Variants in PPP1R12B observed in about 807,000 individuals in gnomAD.
PPP1R12B encodes the protein protein phosphatase 1 regulatory subunit 12B.
PPP1R12B carries 76 observed loss-of-function variants against 126.1 expected under a neutral mutation model. The ratio of observed to expected loss-of-function variants is 0.60; its 90% CI spans 0.50 to 0.73. The LOEUF is 0.73. Among genes scored for constraint, PPP1R12B ranks in the 30% least tolerant of loss-of-function variants. The pLI is 0.00. For missense variants in PPP1R12B, 1,052 were observed against 1,205.1 expected, an observed-to-expected ratio of 0.87 and a Z score of 1.88; for synonymous variants, 356 against 434.7, an observed-to-expected ratio of 0.82 and a Z score of 2.25.
At chr1:202,486,906 CAAATTCTTACAG>C (rs1678208421) in intron 13 of PPP1R12B, among the ~76,000 whole-genome samples, 1 of 152,172 alleles carries the variant, frequency 6.6e-6, no homozygotes, top group Non-Finnish European at 1.5e-5. Context: ...AAATCTTACA[CAAATTCTTACAG>C]AAATAGACAT....
At chr1:202,474,101 C>G in intron 13 of PPP1R12B, 1 of 444,180 alleles carries the variant, frequency 2.3e-6, no homozygotes. Flanking sequence ...TGGGCTTGTT[C>G]CTATTTGCTA....
intron 18 of PPP1R12B, among the ~76,000 whole-genome samples, chr1:202,505,915 G>T (rs1339646166): frequency 1.3e-5 from 2 of 152,020 alleles, no homozygotes; most frequent in East Asian, 3.9e-4. Context: ...TGAAAAGTCT[G>T]AGAAATTTGA....
chr1:202,378,368 C>T (rs1259680593), intron 1 of PPP1R12B, among the ~76,000 whole-genome samples: 1 of 151,144 alleles, frequency 6.6e-6, no homozygotes, highest in Non-Finnish European at 1.5e-5. Context: ...TCAAATTCTC[C>T]TTAAGGAGTA....
intron 14 of PPP1R12B, 125 bp downstream of exon 14, chr1:202,488,748 C>T (rs564530491): frequency 1.9e-5 from 16 of 860,304 alleles, no homozygotes; most frequent in South Asian, 8.9e-5. Flanking sequence ...CACACGCTCA[C>T]GGCTTGGCGT....
At chr1:202,463,721 G>T (rs1282116793) in intron 13 of PPP1R12B, among the ~76,000 whole-genome samples, 1 of 152,156 alleles carries the variant, frequency 6.6e-6, no homozygotes, top group South Asian at 2.1e-4. Context: ...AAGTTTCCTA[G>T]TTGATCTTGT....
At chr1:202,432,975 G>A (rs534816316) in intron 8 of PPP1R12B, among the ~76,000 whole-genome samples, 90 of 152,302 alleles carry the variant, frequency 5.9e-4, no homozygotes, top group African/African-American at 1.9e-3. Flanking sequence ...TCATGTCTCA[G>A]TCTCTGAGGC....
At position 202,588,843 on chromosome 1, in the gene PPP1R12B, A is replaced by ATAGATAGAT. The variant is rs1689985333; in HGVS notation, c.*8284_*8292dup. The ATAGATAGAT allele has an allele frequency of 6.9e-6, 1 of 144,228 alleles. No individual in the cohort carries two copies. Among genetic ancestry groups the ATAGATAGAT allele is most frequent in the African/African-American group, 2.9e-5 (1 of 34,980 alleles). 8.9% of individuals were successfully genotyped at this position (144,228 alleles called of 1,614,324 possible). A position where few individuals can be genotyped will look rare whatever the true frequency, so the allele number is the denominator to read the frequency against. ...AACCGTAAGATAGATAGATAGATAG[A>ATAGATAGAT]TAGATAGATAGATAGATAGATAGAT... On this transcript the variant is annotated 3_prime_UTR_variant, in exon 24 of 24. Transcript: ENST00000608999.
At chr1:202,369,220 A>G (rs1376044190) in intron 1 of PPP1R12B, among the ~76,000 whole-genome samples, 1 of 152,230 alleles carries the variant, frequency 6.6e-6, no homozygotes, top group East Asian at 1.9e-4. Context: ...AGTTATATAA[A>G]TCTAAATATA....
In PPP1R12B at chr1:202,591,311, T is replaced by G. The variant is rs939031398; in HGVS notation, c.*10751T>G. 1.3e-5 allele frequency: 2 copies of G among 152,806 alleles called. No homozygotes were observed. Among genetic ancestry groups the G allele is most frequent in the African/African-American group, 4.8e-5 (2 of 41,472 alleles). 9.5% of individuals were successfully genotyped at this position (152,806 alleles called of 1,614,324 possible). A position where few individuals can be genotyped will look rare whatever the true frequency, so the allele number is the denominator to read the frequency against. On this transcript the variant is annotated 3_prime_UTR_variant, in exon 24 of 24. Coordinates refer to ENST00000608999, the MANE Select transcript of PPP1R12B (RefSeq NM_002481.4). Reference sequence around the variant, plus strand: ...CCCGTTCTCTCTCCTTCCTCATACTTGTCACAGTTGCCAGGCCTGAGGCAT... The same window carrying G: ...CCCGTTCTCTCTCCTTCCTCATACTGGTCACAGTTGCCAGGCCTGAGGCAT...
At chr1:202,447,228 G>A (rs781684519) in intron 12 of PPP1R12B, among the ~76,000 whole-genome samples, 1 of 152,114 alleles carries the variant, frequency 6.6e-6, no homozygotes, top group African/African-American at 2.4e-5. Flanking sequence ...CTTATAATGA[G>A]CCCCCTATTA....
chr1:202,352,892 A>G (rs12566675), intron 1 of PPP1R12B, among the ~76,000 whole-genome samples: 79 of 150,962 alleles, frequency 5.2e-4, no homozygotes, highest in African/African-American at 1.8e-3. Flanking sequence ...CGTTTCAAAA[A>G]AAAAAGAAAA....
chr1:202,463,006 T>C (rs1367819457), intron 13 of PPP1R12B: 1 of 985,352 alleles, frequency 1.0e-6, no homozygotes, highest in Non-Finnish European at 1.2e-6. Context: ...GCCTCTGCCA[T>C]AGTTTGTTAG....
In PPP1R12B at chr1:202,493,243, C is replaced by T; in HGVS notation, c.2071C>T (p.His691Tyr). 6.2e-7 allele frequency: 1 copy of T among 1,613,010 alleles called. No homozygotes were observed. The highest frequency in any genetic ancestry group is 8.5e-7 in the Non-Finnish European group (1 of 1,179,860). ...AGGGCTTGAGGGGAGCCCTGAGAAG[C>T]ATGAGCCCTCAGCAGTTCCAGCAAC... is the stretch of plus-strand genomic sequence containing the variant. ...TEGLEGSPEK[H>Y]EPSAVPATEA... is the part of the protein sequence containing the mutation. The change falls in exon 15 of 24, where the codon CAT becomes TAT. Residue 691 changes from histidine (H) to tyrosine (Y), a missense_variant. Physicochemically the swap from His to Tyr is moderately conservative, Grantham distance 83 (BLOSUM62 2). Coordinates refer to ENST00000608999, the MANE Select transcript of PPP1R12B (RefSeq NM_002481.4).
chr1:202,490,482 A>G (rs1406956133), intron 14 of PPP1R12B, among the ~76,000 whole-genome samples: 2 of 152,178 alleles, frequency 1.3e-5, no homozygotes, highest in African/African-American at 4.8e-5. Flanking sequence ...GTGGTGAAAT[A>G]TACGTAACAT....
intron 15 of PPP1R12B, among the ~76,000 whole-genome samples, chr1:202,493,745 T>C (rs1361075606): frequency 3.3e-5 from 5 of 152,146 alleles, no homozygotes; most frequent in Admixed American, 2.6e-4. Flanking sequence ...TATGAGGAAA[T>C]TGAATCACAG....
At chr1:202,448,669 G>A (rs1421549049) in intron 12 of PPP1R12B, 1 of 271,544 alleles carries the variant, frequency 3.7e-6, no homozygotes, top group African/African-American at 2.1e-5. Flanking sequence ...GTGCTACTGG[G>A]GTGTCATTTA....
chr1:202,379,054 C>G (rs1022293764), intron 1 of PPP1R12B, among the ~76,000 whole-genome samples: 4 of 152,124 alleles, frequency 2.6e-5, no homozygotes, highest in Non-Finnish European at 4.4e-5. Context: ...CTAATGATGT[C>G]GAGATCTGTC....
chr1:202,553,478 G>T (rs1446973761), intron 18 of PPP1R12B, among the ~76,000 whole-genome samples: 1 of 152,162 alleles, frequency 6.6e-6, no homozygotes, highest in African/African-American at 2.4e-5. Context: ...TAATAAATTT[G>T]TGAATTAACC....
intron 13 of PPP1R12B, among the ~76,000 whole-genome samples, chr1:202,476,476 A>G (rs1289050538): frequency 2.0e-5 from 3 of 151,808 alleles, no homozygotes; most frequent in Admixed American, 2.0e-4. Context: ...TGAGGTCAGG[A>G]GTTTGATACC....
Sources: allele counts gnomAD v4.1 joint callset (sites outside exome capture counted in the v4.1 genomes callset), GRCh38; gene constraint gnomAD v4.1.1; transcripts MANE v1.5; gene names NCBI Gene and HGNC (gene_info 2026-07-23, HGNC 2026-07-21).